Variants in ESR2 observed in about 807,000 individuals in gnomAD.
The protein encoded by ESR2 is estrogen receptor beta.
Under a neutral mutation model 49.6 loss-of-function variants are expected in ESR2, and 36 were observed. The ratio of observed to expected loss-of-function variants is 0.73; its 90% CI spans 0.56 to 0.96. The LOEUF (loss-of-function observed/expected upper bound fraction) is 0.96. Among genes scored for constraint, ESR2 ranks in the 40% least tolerant of loss-of-function variants. ESR2 has a pLI of 0.00. For missense variants in ESR2, 714 were observed against 693.0 expected (o/e 1.03, Z -0.34); for synonymous variants, 320 against 266.1 (o/e 1.20, Z -1.97).
At chr14:64,260,019 G>C (rs767468414) in intron 5 of ESR2, among the ~76,000 whole-genome samples, 1 of 152,118 alleles carries the variant, frequency 6.6e-6, no homozygotes, top group African/African-American at 2.4e-5. Flanking sequence ...AGCCTAGGTA[G>C]GTTCCCTGGG....
intron 1 of ESR2, among the ~76,000 whole-genome samples, chr14:64,319,956 T>C (rs1244661522): frequency 6.6e-6 from 1 of 152,196 alleles, no homozygotes; most frequent in African/African-American, 2.4e-5. Flanking sequence ...AGTGAAAATT[T>C]ATGTCCACAT....
intron 7 of ESR2, among the ~76,000 whole-genome samples, chr14:64,247,365 A>G (rs1308385232): frequency 1.3e-5 from 2 of 152,106 alleles, no homozygotes; most frequent in East Asian, 3.8e-4. Context: ...ACTAGTGCCA[A>G]TATCCAAGAG....
In ESR2 at chr14:64,229,917, G is replaced by A. The variant is rs1482059705; in HGVS notation, c.*3220C>T. ...GGCGGGGCTGGGCACAGTGGCTCAT[G>A]CCTGTAATCTCAGCACTTTGGGAGG... On this transcript the variant is annotated 3_prime_UTR_variant, in exon 9 of 9. Transcript: ENST00000341099. Among the ~76,000 whole-genome samples, 2 of 152,160 alleles carry A rather than the reference G, an allele frequency of 1.3e-5. No individual in the cohort carries two copies. Among genetic ancestry groups the A allele is most frequent in the Non-Finnish European group, 2.9e-5 (2 of 68,024 alleles).
chr14:64,273,450 T>C (rs1330067873), intron 3 of ESR2, among the ~76,000 whole-genome samples: 3 of 152,208 alleles, frequency 2.0e-5, no homozygotes, highest in Admixed American at 2.0e-4. Flanking sequence ...GGGTCTGTTA[T>C]ATGTCTGTTA....
intron 3 of ESR2, among the ~76,000 whole-genome samples, chr14:64,276,974 G>A (rs890310358): frequency 1.3e-5 from 2 of 152,112 alleles, no homozygotes; most frequent in Non-Finnish European, 2.9e-5. Context: ...CACTGCATCC[G>A]TAGAGCCTGG....
chr14:64,275,569 G>A (rs554632555), intron 3 of ESR2, among the ~76,000 whole-genome samples: 1 of 152,066 alleles, frequency 6.6e-6, no homozygotes, highest in East Asian at 1.9e-4. Flanking sequence ...CAGGCGTGGT[G>A]GTGGGTGTCT....
At chr14:64,322,182 C>T (rs933464804) in intron 1 of ESR2, among the ~76,000 whole-genome samples, 4 of 152,098 alleles carry the variant, frequency 2.6e-5, no homozygotes, top group Non-Finnish European at 1.5e-5. Flanking sequence ...CCTCATGCTC[C>T]CGAGTAGCTG....
intron 2 of ESR2, among the ~76,000 whole-genome samples, chr14:64,280,524 A>G (rs1448234864): frequency 6.6e-6 from 1 of 152,180 alleles, no homozygotes; most frequent in Non-Finnish European, 1.5e-5. Flanking sequence ...CACAGGCAGG[A>G]TATGCATTGG....
intron 1 of ESR2, among the ~76,000 whole-genome samples, chr14:64,316,965 C>T (rs1477665930): frequency 1.3e-5 from 2 of 151,934 alleles, no homozygotes; most frequent in Admixed American, 6.6e-5. Flanking sequence ...TCTTTCATTG[C>T]TATAAAGAAA....
chr14:64,309,607 C>CAAAAAAAAAAAAAAAAAAAAA (rs545143689), intron 1 of ESR2, among the ~76,000 whole-genome samples: 15 of 125,884 alleles, frequency 1.2e-4, no homozygotes, highest in African/African-American at 4.2e-4. Flanking sequence ...AACTCCATCT[C>CAAAAAAAAAAAAAAAAAAAAA]AAAAAAAAAA....
intron 1 of ESR2, among the ~76,000 whole-genome samples, chr14:64,328,916 G>A (rs2077421321): frequency 6.6e-6 from 1 of 152,038 alleles, no homozygotes. Context: ...GATATTAGTT[G>A]CAGATATTTT....
chr14:64,304,913 T>C (rs1404014223), intron 1 of ESR2, among the ~76,000 whole-genome samples: 1 of 151,978 alleles, frequency 6.6e-6, no homozygotes, highest in Non-Finnish European at 1.5e-5. Flanking sequence ...AAATAAAGTA[T>C]TAAAATTTAA....
intron 6 of ESR2, among the ~76,000 whole-genome samples, chr14:64,255,319 A>G (rs1413512594): frequency 6.6e-6 from 1 of 151,850 alleles, no homozygotes; most frequent in African/African-American, 2.4e-5. Context: ...CCCAGTTAAA[A>G]CACCAAGCAG....
chr14:64,304,592 G>T (rs114179401), intron 1 of ESR2, among the ~76,000 whole-genome samples: 2 of 152,226 alleles, frequency 1.3e-5, no homozygotes, highest in East Asian at 1.9e-4. Flanking sequence ...TAAAACCTGC[G>T]CATAGTAGCT....
chr14:64,316,421 A>G (rs2077256060), intron 1 of ESR2, among the ~76,000 whole-genome samples: 1 of 152,214 alleles, frequency 6.6e-6, no homozygotes, highest in Non-Finnish European at 1.5e-5. Context: ...CCTACACAAT[A>G]TCTTCCAAAA....
rs909370443 is a variant in ESR2 at position 64,268,824 on chromosome 14, T to G, written c.623A>C (p.Lys208Thr). 1 of 1,613,472 alleles carries G rather than the reference T, an allele frequency of 6.2e-7. No individual in the cohort carries two copies. The change falls in exon 4 of 9, where the codon AAG becomes ACG. Residue 208 changes from lysine to threonine, a missense_variant. Transcript: ENST00000341099. The stretch of plus-strand genomic sequence containing the variant: ...CTTCACCATTCCCACTTCGTAACAC[T>G]TCCGAAGTCGGCAGGCCTGGCAGCT... ...RKSCQACRLR[K>T]CYEVGMVKCG...
At chr14:64,253,278 C>A (rs1448810208) in intron 6 of ESR2, among the ~76,000 whole-genome samples, 1 of 152,024 alleles carries the variant, frequency 6.6e-6, no homozygotes, top group African/African-American at 2.4e-5. Context: ...GCAACCTCCA[C>A]TTCCTGGGTT....
upstream of ESR2, among the ~76,000 whole-genome samples, chr14:64,298,895 A>G (rs1423412368): frequency 6.6e-6 from 1 of 151,874 alleles, no homozygotes; most frequent in Non-Finnish European, 1.5e-5. Flanking sequence ...AAGCATACAC[A>G]TTTTTGTCCT....
chr14:64,314,338 T>C (rs1289738639), intron 1 of ESR2, among the ~76,000 whole-genome samples: 1 of 149,166 alleles, frequency 6.7e-6, no homozygotes, highest in Non-Finnish European at 1.5e-5. Context: ...TATCAACACT[T>C]GAGGGACACA....
Sources: gnomAD v4.1 joint callset for allele counts (sites outside exome capture counted in the v4.1 genomes callset) on GRCh38, gnomAD v4.1.1 for gene constraint, MANE v1.5 for transcripts, NCBI Gene and HGNC (gene_info 2026-07-23, HGNC 2026-07-21) for gene names.